The following ZNF33B variants were observed in gnomAD, a reference collection of about 807,000 sequenced individuals.
ZNF33B encodes the protein zinc finger protein 33B, also known as zinc finger protein 11b (KOX 2).
ZNF33B carries 29 observed loss-of-function variants against 45.8 expected under a neutral mutation model. The ratio of observed to expected loss-of-function variants is 0.63; its 90% CI spans 0.47 to 0.86. The LOEUF is 0.86. Among genes scored for constraint, ZNF33B ranks in the 40% least tolerant of loss-of-function variants. The pLI is 0.00. For synonymous variants in ZNF33B, 305 were observed against 307.8 expected, an observed-to-expected ratio of 0.99 and a Z score of 0.10; for missense variants, 831 against 909.9, an observed-to-expected ratio of 0.91 and a Z score of 1.12.
At position 42,593,461 on chromosome 10, in the gene ZNF33B, A is replaced by C; in HGVS notation, c.1489T>G (p.Tyr497Asp). Residue 497 changes from tyrosine (Y) to aspartate (D), a missense_variant, in exon 5 of 5, where the codon TAT becomes GAT. By Grantham distance (160) the Tyr-to-Asp change is radical. Coordinates refer to ENST00000359467, the MANE Select transcript of ZNF33B (RefSeq NM_006955.3). Reference protein sequence around the residue: ...HQRTHIGDKPYECNACGKTFY... With the variant: ...HQRTHIGDKPDECNACGKTFY... The stretch of plus-strand genomic sequence containing the variant: ...GTTTTCCCACATGCATTACATTCAT[A>C]AGGTTTATCTCCTATGTGAGTTCTC... 6.2e-7 allele frequency: 1 copy of C among 1,614,094 alleles called. No homozygotes were observed.
At chr10:42,633,525 G>A (rs1304230766) in intron 2 of ZNF33B, among the ~76,000 whole-genome samples, 4 of 152,136 alleles carry the variant, frequency 2.6e-5, no homozygotes, top group African/African-American at 9.7e-5. Context: ...ATCAAAATGT[G>A]GTCACTAATT....
chr10:42,594,369 A>C lies in ZNF33B; in HGVS notation c.581T>G (p.Leu194Trp). The C allele has an allele frequency of 3.7e-6, 6 of 1,613,798 alleles. No homozygotes were observed. Among genetic ancestry groups the C allele is most frequent in the Admixed American group, 1.7e-5 (1 of 59,996 alleles). ...ETHTREKNEV[L>W]KNRNTLSHRE... is the part of the protein sequence containing the mutation. ...ATGACTCAGAGTGTTCCTATTTTTC[A>C]AAACTTCATTTTTCTCTCGAGTATG... is the stretch of plus-strand genomic sequence containing the variant. Residue 194 changes from leucine to tryptophan, a missense_variant, in exon 5 of 5, where the codon TTG (leucine) becomes TGG (tryptophan). Physicochemically the swap from Leu to Trp is moderately conservative, Grantham distance 61. Coordinates refer to ENST00000359467, the MANE Select transcript of ZNF33B (RefSeq NM_006955.3).
At chr10:42,605,628 C>G (rs1837808782) in intron 4 of ZNF33B, among the ~76,000 whole-genome samples, 1 of 152,196 alleles carries the variant, frequency 6.6e-6, no homozygotes, top group South Asian at 2.1e-4. Flanking sequence ...ACAAGTGACT[C>G]CAAACACTAG....
At chr10:42,631,734 A>T (rs893384110) in intron 4 of ZNF33B, 195 bp downstream of exon 4, 5 of 555,036 alleles carry the variant, frequency 9.0e-6, no homozygotes, top group Non-Finnish European at 1.3e-5. Flanking sequence ...TCAAAAAATG[A>T]TTCTAAAAGG....
chr10:42,609,243 C>G (rs1421841620), intron 4 of ZNF33B, among the ~76,000 whole-genome samples: 1 of 152,006 alleles, frequency 6.6e-6, no homozygotes, highest in Non-Finnish European at 1.5e-5. Flanking sequence ...TGGTGAAACC[C>G]CCTCTCTATA....
intron 1 of ZNF33B, among the ~76,000 whole-genome samples, chr10:42,637,335 T>C (rs1201962285): frequency 6.6e-6 from 1 of 152,216 alleles, no homozygotes; most frequent in Non-Finnish European, 1.5e-5. Flanking sequence ...TTGTAAAGAA[T>C]AGGACTAGGC....
At chr10:42,575,828 C>G (rs1242633598) in intron 1 of ZNF33B, among the ~76,000 whole-genome samples, 1 of 151,218 alleles carries the variant, frequency 6.6e-6, no homozygotes, top group Non-Finnish European at 1.5e-5. Flanking sequence ...CTTCAGGGCT[C>G]AAGCGATTCT....
Position 42,592,200 on chromosome 10 carries a change from G to A in ZNF33B, c.*413C>T, listed in dbSNP as rs561358331. The A allele has an allele frequency of 2.7e-5, 7 of 254,970 alleles. No individual in the cohort carries two copies. In the East Asian group the frequency reaches 6.0e-4, roughly 22 times the overall value. The allele number at this position is 254,970 out of a possible 1,614,324, so 15.8% of individuals were successfully genotyped here. A position where few individuals can be genotyped will look rare whatever the true frequency, so the allele number is the denominator to read the frequency against. ...AATGTACATCTATAAATTATTGTTA[G>A]ATACCTTAAAAACTATTATGGCATC... is the stretch of plus-strand genomic sequence containing the variant. On this transcript the variant is annotated 3_prime_UTR_variant, in exon 5 of 5. Transcript: ENST00000359467.
At chr10:42,635,927 G>A (rs190707547) in intron 2 of ZNF33B, among the ~76,000 whole-genome samples, 15 of 151,830 alleles carry the variant, frequency 9.9e-5, no homozygotes, top group Non-Finnish European at 1.3e-4. Context: ...TCAAGATATC[G>A]AGATCATCCT....
chr10:42,577,441 G>A (rs1433985916), intron 1 of ZNF33B, among the ~76,000 whole-genome samples: 2 of 152,176 alleles, frequency 1.3e-5, no homozygotes, highest in Admixed American at 6.5e-5. Context: ...CACTTAGTCA[G>A]CAAGTTCTCT....
chr10:42,583,757 A>C (rs1208569801), intron 1 of ZNF33B, among the ~76,000 whole-genome samples: 1 of 152,110 alleles, frequency 6.6e-6, no homozygotes, highest in Admixed American at 6.6e-5. Flanking sequence ...TTGCAGACTA[A>C]ATGTACAGAC....
chr10:42,623,754 G>C (rs1401993337), intron 4 of ZNF33B, among the ~76,000 whole-genome samples: 1 of 152,168 alleles, frequency 6.6e-6, no homozygotes, highest in Non-Finnish European at 1.5e-5. Context: ...TTGTGGTTAT[G>C]GCTATACAAC....
At position 42,618,398 on chromosome 10, in the gene ZNF33B, A is replaced by AT. The variant is rs1051118622; in HGVS notation, c.250+13530dup. On this transcript the variant is annotated intron_variant, in intron 4 of 4. Transcript: ENST00000359467. Reference sequence around the variant, plus strand: ...CTATGACCCATAAAACTGCTATAAAATTTTTTTGATGGAACATTAAGTTTT... The same window carrying AT: ...CTATGACCCATAAAACTGCTATAAAATTTTTTTTGATGGAACATTAAGTTTT... 2.6e-5 allele frequency among the ~76,000 whole-genome samples: 4 copies of AT among 152,328 alleles called. 1 individual carries two copies. The highest frequency in any genetic ancestry group is 4.1e-4 in the South Asian group (2 of 4,830).
At chr10:42,602,793 A>G (rs1837681855) in intron 4 of ZNF33B, among the ~76,000 whole-genome samples, 1 of 152,190 alleles carries the variant, frequency 6.6e-6, no homozygotes, top group African/African-American at 2.4e-5. Context: ...GCCCTATGTG[A>G]GTACTGTGTA....
chr10:42,610,381 C>CA (rs1838051303), intron 4 of ZNF33B, among the ~76,000 whole-genome samples: 1 of 152,070 alleles, frequency 6.6e-6, no homozygotes, highest in African/African-American at 2.4e-5. Flanking sequence ...ACTAAAAATA[C>CA]AAAAAAGTTA....
intron 3 of ZNF33B, 110 bp from the exon 4 acceptor site, chr10:42,632,134 C>T: frequency 6.7e-7 from 1 of 1,485,742 alleles, no homozygotes; most frequent in Non-Finnish European, 9.3e-7. Context: ...AACATTTTCA[C>T]TGGAGAGGTG....
At chr10:42,619,357 G>C (rs1838474404) in intron 4 of ZNF33B, among the ~76,000 whole-genome samples, 1 of 152,068 alleles carries the variant, frequency 6.6e-6, no homozygotes, top group South Asian at 2.1e-4. Context: ...ATAAATTCCT[G>C]AAAGAAAAAC....
At position 42,592,666 on chromosome 10, in the gene ZNF33B, A is replaced by C; in HGVS notation, c.2284T>G (p.Ser762Ala). The change falls in exon 5 of 5, where the codon TCA becomes GCA. Residue 762 changes from serine (S) to alanine (A), a missense_variant. Physicochemically the swap from Ser to Ala is moderately conservative, Grantham distance 99. Transcript: ENST00000359467. ...NTCRKTFSQKSNLIVHQRTHI... is the reference protein window; with the variant it reads ...NTCRKTFSQKANLIVHQRTHI... ...GTTCTCTGATGTACAATGAGATTTGACTTTTGAGAGAAGGTTTTCCTGCAT... is the reference window on the plus strand; with the variant it reads ...GTTCTCTGATGTACAATGAGATTTGCCTTTTGAGAGAAGGTTTTCCTGCAT... The C allele has an allele frequency of 6.2e-7, 1 of 1,613,998 alleles. No homozygotes were observed. Among genetic ancestry groups the C allele is most frequent in the Non-Finnish European group, 8.5e-7 (1 of 1,179,916 alleles).
Position 42,592,960 on chromosome 10 carries a change from G to C in ZNF33B, c.1990C>G (p.Pro664Ala). 3.1e-6 allele frequency: 5 copies of C among 1,613,732 alleles called. No homozygotes were observed. The highest frequency in any genetic ancestry group is 3.4e-6 in the Non-Finnish European group (4 of 1,179,930). The change falls in exon 5 of 5, where the codon CCT becomes GCT. Residue 664 changes from proline to alanine, a missense_variant. Physicochemically the swap from Pro to Ala is conservative, Grantham distance 27. Coordinates refer to ENST00000359467, the MANE Select transcript of ZNF33B (RefSeq NM_006955.3). ...VHQRTHTQEK[P>A]YKCNECGKSF... is the part of the protein sequence containing the mutation. ...TTTCCACATTCGTTACATTTATAAGGCTTTTCTTGTGTATGGGTTCTCTGA... is the reference window on the plus strand; with the variant it reads ...TTTCCACATTCGTTACATTTATAAGCCTTTTCTTGTGTATGGGTTCTCTGA...
Sources: gnomAD v4.1 joint callset for allele counts (sites outside exome capture counted in the v4.1 genomes callset) on GRCh38, gnomAD v4.1.1 for gene constraint, MANE v1.5 for transcripts, NCBI Gene and HGNC (gene_info 2026-07-23, HGNC 2026-07-21) for gene names.